The following RPTOR variants were observed in gnomAD, a reference collection of about 807,000 sequenced individuals.
RPTOR encodes regulatory associated protein of MTOR complex 1.
A neutral mutation model predicts 169.9 loss-of-function variants in RPTOR; 21 were observed. The observed-to-expected ratio is 0.12, with a 90% CI of 0.09 to 0.18. The LOEUF is 0.18. Among genes scored for constraint, RPTOR ranks in the 10% least tolerant of loss-of-function variants. RPTOR has a pLI of 1.00. For missense variants in RPTOR, 1,133 were observed against 1,855.9 expected (o/e 0.61, Z 7.16); for synonymous variants, 732 against 753.2 (o/e 0.97, Z 0.46).
chr17:80,944,659 C>T (rs970720475), intron 25 of RPTOR, among the ~76,000 whole-genome samples: 1 of 152,136 alleles, frequency 6.6e-6, no homozygotes, highest in Non-Finnish European at 1.5e-5. Flanking sequence ...GTATTGACGT[C>T]GGCCATGATA....
chr17:80,922,431 G>A (rs779526103), intron 21 of RPTOR, among the ~76,000 whole-genome samples: 1 of 152,126 alleles, frequency 6.6e-6, no homozygotes, highest in Non-Finnish European at 1.5e-5. Flanking sequence ...GAGGCTTCAG[G>A]CCCTGACCCC....
At chr17:80,838,313 C>T (rs546336042) in intron 10 of RPTOR, among the ~76,000 whole-genome samples, 14 of 152,318 alleles carry the variant, frequency 9.2e-5, no homozygotes, top group Admixed American at 7.2e-4. Context: ...TCACCACAGA[C>T]GCGTTGTGGA....
rs2065599245 is a variant in RPTOR at position 80,646,750 on chromosome 17, T to A, written c.348+2940T>A. On this transcript the variant is annotated intron_variant, in intron 3 of 33. Transcript: ENST00000306801. This position sits in a 1 kb window ranked among gnomAD's most constrained non-coding sequence, Gnocchi z 5.0. ...GACCTTCAGTGGAAAGACCCATATA[T>A]CTGGTTTTCTCTTTCTCTGTGTCTT... Among the ~76,000 whole-genome samples, 1 of 152,190 alleles carries A rather than the reference T, an allele frequency of 6.6e-6. No homozygotes were observed. The highest frequency in any genetic ancestry group is 1.5e-5 in the Non-Finnish European group (1 of 68,038).
chr17:80,739,706 G>C (rs528706211), intron 5 of RPTOR, among the ~76,000 whole-genome samples: 169 of 151,758 alleles, frequency 1.1e-3, no homozygotes, highest in African/African-American at 3.9e-3. Context: ...CTAAATAATG[G>C]GTCAGAAGCC....
At chr17:80,675,534 C>T (rs995467747) in intron 3 of RPTOR, among the ~76,000 whole-genome samples, 27 of 152,346 alleles carry the variant, frequency 1.8e-4, no homozygotes, top group African/African-American at 6.5e-4. Context: ...CTCTGCACAC[C>T]CACTCTTCTG....
intron 24 of RPTOR, among the ~76,000 whole-genome samples, chr17:80,926,183 T>A (rs775957943): frequency 1.2e-4 from 18 of 152,242 alleles, no homozygotes; most frequent in Non-Finnish European, 1.8e-4. Flanking sequence ...CTTAGTCATC[T>A]CTGTGAATGG....
Position 80,721,326 on chromosome 17 carries a change from G to A in RPTOR, c.508-9234G>A, listed in dbSNP as rs2066284431. Among the ~76,000 whole-genome samples, 2 of 151,506 alleles carry A rather than the reference G, an allele frequency of 1.3e-5. No homozygotes were observed. The highest frequency in any genetic ancestry group is 4.1e-4 in the South Asian group (2 of 4,828). ...CTGTGAGTCATTGAGGCTCCTGGACGCGGCGGAAGTGCAAGCGGGAAAAAG... is the reference window on the plus strand; with the variant it reads ...CTGTGAGTCATTGAGGCTCCTGGACACGGCGGAAGTGCAAGCGGGAAAAAG... On this transcript the variant is annotated intron_variant, in intron 4 of 33. Coordinates refer to ENST00000306801, the MANE Select transcript of RPTOR (RefSeq NM_020761.3). The surrounding 1 kb of genome is among the most constrained non-coding windows in gnomAD (Gnocchi z 4.7).
chr17:80,927,271 G>A (rs761035984), intron 24 of RPTOR, among the ~76,000 whole-genome samples: 5 of 152,138 alleles, frequency 3.3e-5, no homozygotes, highest in Non-Finnish European at 7.4e-5. Flanking sequence ...TCCTTGATGC[G>A]GTCTCGTGCT....
chr17:80,619,658 G>C, intron 1 of RPTOR, among the ~76,000 whole-genome samples: 1 of 152,164 alleles, frequency 6.6e-6, no homozygotes, highest in Non-Finnish European at 1.5e-5. Context: ...GCCTGAGCTG[G>C]GGTGAGACTG....
chr17:80,570,819 T>A (rs1349505401), intron 1 of RPTOR, among the ~76,000 whole-genome samples: 1 of 152,342 alleles, frequency 6.6e-6, no homozygotes, highest in African/African-American at 2.4e-5. Flanking sequence ...GTTCTTTCAC[T>A]GAACCTAATT....
At chr17:80,582,959 T>C (rs1279527908) in intron 1 of RPTOR, among the ~76,000 whole-genome samples, 15 of 150,516 alleles carry the variant, frequency 1.0e-4, no homozygotes, top group Admixed American at 1.3e-4. Flanking sequence ...TCACCCAGGC[T>C]TGACAGAGTG....
At chr17:80,884,285 G>A (rs1478335069) in intron 16 of RPTOR, among the ~76,000 whole-genome samples, 1 of 151,972 alleles carries the variant, frequency 6.6e-6, no homozygotes, top group Non-Finnish European at 1.5e-5. Flanking sequence ...GGCCTGCAAG[G>A]CAGGGACCAC....
chr17:80,949,561 G>A lies in RPTOR; in HGVS notation c.3370+14G>A, dbSNP rs1340667214. 1.9e-6 allele frequency: 3 copies of A among 1,606,676 alleles called. No individual in the cohort carries two copies. The highest frequency in any genetic ancestry group is 4.5e-5 in the East Asian group (2 of 44,848). Reference sequence around the variant, plus strand: ...CAACGACGCGAGGTGGGTCCGCCCGGCTCCTCCCCAGAGCAGAATGTGTTC... The same window carrying A: ...CAACGACGCGAGGTGGGTCCGCCCGACTCCTCCCCAGAGCAGAATGTGTTC... On this transcript the variant is annotated intron_variant, in intron 28 of 33. Transcript: ENST00000306801.
At position 80,708,272 on chromosome 17, in the gene RPTOR, C is replaced by T. The variant is rs1021276228; in HGVS notation, c.507+273C>T. Among the ~76,000 whole-genome samples, 17 of 152,170 alleles carry T rather than the reference C, an allele frequency of 1.1e-4. No individual in the cohort carries two copies. Among genetic ancestry groups the T allele is most frequent in the African/African-American group, 2.9e-4 (12 of 41,432 alleles). On this transcript the variant is annotated intron_variant, in intron 4 of 33. Transcript: ENST00000306801. This position sits in a 1 kb window ranked among gnomAD's most constrained non-coding sequence, Gnocchi z 4.2. ...AGACCAGCAGTTGTTTGTAATTCTC[C>T]GAGGACAGACCTCGAGAGTGTCTGC...
intron 5 of RPTOR, among the ~76,000 whole-genome samples, chr17:80,743,881 CTACTAGCACTGTCCTGGT>C (rs2066521647): frequency 8.9e-5 from 4 of 45,132 alleles, no homozygotes; most frequent in African/African-American, 6.3e-4. Context: ...ACAGCCCTGG[CTACTAGCACTGTCCTGGT>C]TACGAGCACA....
chr17:80,889,812 G>A lies in RPTOR; in HGVS notation c.1984-1908G>A, dbSNP rs2068293955. Among the ~76,000 whole-genome samples, 3 of 140,758 alleles carry A rather than the reference G, an allele frequency of 2.1e-5. No homozygotes were observed. The South Asian group carries it at 7.0e-4, about 33-fold the overall frequency. The allele number at this position is 140,758 out of a possible 152,430, so 92.3% of individuals were successfully genotyped here. A position where few individuals can be genotyped will look rare whatever the true frequency, so the allele number is the denominator to read the frequency against. The stretch of plus-strand genomic sequence containing the variant: ...AGCAGGATGTGCGGCCTCCAAGGGA[G>A]GCCCCCGTACGCAGCAGGATGTGCG... On this transcript the variant is annotated intron_variant, in intron 17 of 33. Coordinates refer to ENST00000306801, the MANE Select transcript of RPTOR (RefSeq NM_020761.3).
At chr17:80,728,446 G>GGTGTGTGTGT (rs71367012) in intron 4 of RPTOR, among the ~76,000 whole-genome samples, 21,659 of 148,130 alleles carry the variant, frequency 0.15, 1,653 homozygotes, top group South Asian at 0.19. Flanking sequence ...TCCACTCTGG[G>GGTGTGTGTGT]GTGTGTGTGT....
chr17:80,853,201 C>T (rs568950265), intron 11 of RPTOR, among the ~76,000 whole-genome samples: 7 of 152,288 alleles, frequency 4.6e-5, no homozygotes, highest in African/African-American at 7.2e-5. Flanking sequence ...TGCATGCCGT[C>T]GGCGGGGCCT....
At chr17:80,798,216 C>G (rs1402292024) in intron 7 of RPTOR, among the ~76,000 whole-genome samples, 1 of 152,196 alleles carries the variant, frequency 6.6e-6, no homozygotes, top group African/African-American at 2.4e-5. Flanking sequence ...GAAGCAAACC[C>G]TGTAACCAAC....
Sources: gnomAD v4.1 joint callset for allele counts (sites outside exome capture counted in the v4.1 genomes callset) on GRCh38, gnomAD v4.1.1 for gene constraint, Gnocchi (gnomAD v3.1) non-coding constraint, MANE v1.5 for transcripts, NCBI Gene and HGNC (gene_info 2026-07-23, HGNC 2026-07-21) for gene names.